Variants in SULT1C3 observed in about 807,000 individuals in gnomAD.
The protein encoded by SULT1C3 is sulfotransferase 1C3.
In SULT1C3, 31 loss-of-function variants were observed where a neutral mutation model predicts 28.4. The observed-to-expected ratio is 1.09, with a 90% confidence interval of 0.82 to 1.47. The LOEUF (loss-of-function observed/expected upper bound fraction) is 1.47. SULT1C3 is among the 40% of genes most tolerant of loss of function. The pLI is 0.00. For synonymous variants in SULT1C3, 106 were observed against 92.2 expected (o/e 1.15, Z -0.86); for missense variants, 307 against 272.5 (o/e 1.13, Z -0.89).
intron 1 of SULT1C3, among the ~76,000 whole-genome samples, chr2:108,242,835 C>A (rs1013249496): frequency 1.3e-5 from 2 of 152,110 alleles, no homozygotes; most frequent in Admixed American, 6.5e-5. Context: ...TATCTTTGGG[C>A]CTCTCATGCA....
intron 2 of SULT1C3, among the ~76,000 whole-genome samples, chr2:108,249,253 C>A (rs13419222): frequency 5.3e-5 from 8 of 151,884 alleles, no homozygotes; most frequent in African/African-American, 7.3e-5. Flanking sequence ...AATTTGTTAA[C>A]CACAAAGTCT....
intron 1 of SULT1C3, among the ~76,000 whole-genome samples, chr2:108,246,701 T>C (rs998739411): frequency 3.9e-5 from 6 of 152,236 alleles, no homozygotes; most frequent in Non-Finnish European, 7.3e-5. Flanking sequence ...GTGAAAACTA[T>C]TCAAGAAAAT....
chr2:108,243,428 G>A (rs772361251), intron 1 of SULT1C3, among the ~76,000 whole-genome samples: 3 of 152,040 alleles, frequency 2.0e-5, no homozygotes, highest in Admixed American at 6.6e-5. Flanking sequence ...TCAGGAGATC[G>A]AGACCACCCT....
intron 2 of SULT1C3, among the ~76,000 whole-genome samples, chr2:108,248,346 A>T (rs72941116): frequency 0.015 from 2,277 of 152,252 alleles, 57 homozygotes; most frequent in African/African-American, 0.052. Context: ...ACTGGATAAA[A>T]TATATGAAAC....
chr2:108,255,474 T>C, intron 4 of SULT1C3, 98 bp from the exon 5 acceptor site: 2 of 1,392,962 alleles, frequency 1.4e-6, no homozygotes, highest in South Asian at 2.8e-5. Context: ...GCTATAAACT[T>C]ATAGGATATG....
intron 2 of SULT1C3, among the ~76,000 whole-genome samples, chr2:108,251,889 A>G (rs185987826): frequency 6.6e-6 from 1 of 152,028 alleles, no homozygotes; most frequent in Non-Finnish European, 1.5e-5. Flanking sequence ...TTAAGGATTT[A>G]TTATAAACTA....
Position 108,247,217 on chromosome 2 carries a change from C to A in SULT1C3, c.23C>A (p.Ala8Asp). 1 of 1,533,426 alleles carries A rather than the reference C, an allele frequency of 6.5e-7. No individual in the cohort carries two copies. The highest frequency in any genetic ancestry group is 1.3e-5 in the South Asian group (1 of 76,382). The allele number at this position is 1,533,426 out of a possible 1,614,324, so 95.0% of individuals were successfully genotyped here. ...CCAATGGCGAAGATTGAGAAAAACG[C>A]TCCCACGATGGAAAAAAAGCCAGAA... MAKIEKNAPTMEKKPELF... is the reference protein window; with the variant it reads MAKIEKNDPTMEKKPELF... The change falls in exon 2 of 8, where the codon GCT becomes GAT. Residue 8 changes from alanine (A) to aspartate (D), a missense_variant. By Grantham distance (126) the Ala-to-Asp change is moderately radical. Coordinates refer to ENST00000681802, the MANE Select transcript of SULT1C3 (RefSeq NM_001320878.2).
At chr2:108,247,776 G>T (rs1056546261) in intron 2 of SULT1C3, among the ~76,000 whole-genome samples, 4 of 152,106 alleles carry the variant, frequency 2.6e-5, no homozygotes, top group Admixed American at 6.6e-5. Flanking sequence ...ATCCTCTAAA[G>T]CTCTTGGAGG....
chr2:108,258,097 A>G (rs1675923359), intron 5 of SULT1C3, among the ~76,000 whole-genome samples: 1 of 152,116 alleles, frequency 6.6e-6, no homozygotes, highest in East Asian at 1.9e-4. Flanking sequence ...CTCACCCTGA[A>G]TAAAGATAGC....
intron 5 of SULT1C3, 121 bp downstream of exon 5, chr2:108,255,819 A>G (rs1675854273): frequency 1.6e-6 from 2 of 1,262,152 alleles, no homozygotes; most frequent in Non-Finnish European, 2.1e-6. Context: ...TATCTTGATG[A>G]TCTGGGACTG....
intron 3 of SULT1C3, 126 bp downstream of exon 3, chr2:108,252,619 C>T: frequency 8.9e-7 from 1 of 1,129,102 alleles, no homozygotes; most frequent in South Asian, 2.1e-5. Context: ...TCTATTTGTT[C>T]TCAGGCCAAC....
chr2:108,243,544 C>T (rs917443594), intron 1 of SULT1C3, among the ~76,000 whole-genome samples: 6 of 151,028 alleles, frequency 4.0e-5, no homozygotes, highest in Non-Finnish European at 8.8e-5. Context: ...GGCAGGAGAA[C>T]AGCGTGAACC....
At chr2:108,250,039 T>A (rs1422594055) in intron 2 of SULT1C3, among the ~76,000 whole-genome samples, 4 of 151,844 alleles carry the variant, frequency 2.6e-5, no homozygotes, top group African/African-American at 9.7e-5. Context: ...GGGAAAAAAA[T>A]GGAAAGCACT....
chr2:108,261,848 T>A (rs1204780374), downstream of SULT1C3, among the ~76,000 whole-genome samples: 1 of 152,070 alleles, frequency 6.6e-6, no homozygotes. Flanking sequence ...AAAGGGGAAA[T>A]GACATCCTAT....
chr2:108,254,031 G>T (rs1053414284), intron 4 of SULT1C3, among the ~76,000 whole-genome samples: 2 of 151,780 alleles, frequency 1.3e-5, no homozygotes, highest in Non-Finnish European at 1.5e-5. Context: ...CTCCCACTTT[G>T]TCAGCCTGCC....
chr2:108,244,659 AAGCTTCTATAT>A lies in SULT1C3; in HGVS notation c.-7-2524_-7-2514del, dbSNP rs1675537877. Among the ~76,000 whole-genome samples the A allele has an allele frequency of 2.0e-5, 3 of 152,276 alleles. No homozygotes were observed. In the South Asian group the frequency reaches 6.2e-4, roughly 32 times the overall value. ...GCAAATAACTGAGTTAAATTTTGGAAAGCTTCTATATAGCTATCAGGGTGGTCAGAAAATCA... is the reference window on the plus strand; with the variant it reads ...GCAAATAACTGAGTTAAATTTTGGAAAGCTATCAGGGTGGTCAGAAAATCA... On this transcript the variant is annotated intron_variant, in intron 1 of 7. Transcript: ENST00000681802.
downstream of SULT1C3, among the ~76,000 whole-genome samples, chr2:108,263,754 A>G (rs1016039011): frequency 6.6e-6 from 1 of 152,236 alleles, no homozygotes; most frequent in East Asian, 1.9e-4. Context: ...AAGAGCCTTC[A>G]GTGCAAGTCC....
At chr2:108,264,949 A>G (rs1173633200), downstream of SULT1C3, 1 of 1,613,852 alleles carries the variant, frequency 6.2e-7, no homozygotes, top group Non-Finnish European at 8.5e-7. Flanking sequence ...ATGACCAACT[A>G]TACCACTTTG....
At chr2:108,245,407 C>T (rs1675554289) in intron 1 of SULT1C3, among the ~76,000 whole-genome samples, 1 of 152,168 alleles carries the variant, frequency 6.6e-6, no homozygotes, top group Non-Finnish European at 1.5e-5. Flanking sequence ...GCTATGATGG[C>T]CTATGCTAAA....
Sources: allele counts gnomAD v4.1 joint callset (sites outside exome capture counted in the v4.1 genomes callset), GRCh38; gene constraint gnomAD v4.1.1; transcripts MANE v1.5; gene names NCBI Gene and HGNC (gene_info 2026-07-23, HGNC 2026-07-21).